GRIK2: variants seen among roughly 807,000 people sequenced by gnomAD.
The protein encoded by GRIK2 is glutamate receptor ionotropic, kainate 2.
A neutral mutation model predicts 100.3 loss-of-function variants in GRIK2; 32 were observed. That is an observed-to-expected ratio of 0.32 (90% CI 0.24 to 0.43). GRIK2 has a LOEUF of 0.43. Ranked by LOEUF, GRIK2 falls within the 20% of genes least tolerant of loss-of-function variation. The pLI is 1.00. For missense variants in GRIK2, 843 were observed against 1,114.9 expected, an observed-to-expected ratio of 0.76 and a Z score of 3.47; for synonymous variants, 417 against 389.4, an observed-to-expected ratio of 1.07 and a Z score of -0.83.
intron 5 of GRIK2, 66 bp downstream of exon 5, chr6:101,676,870 T>C: frequency 1.1e-6 from 1 of 900,902 alleles, no homozygotes; most frequent in Non-Finnish European, 1.7e-6. Context: ...TGATCTTCTT[T>C]TAAATCAAAA....
At chr6:101,970,086 T>G (rs1443792797) in intron 14 of GRIK2, among the ~76,000 whole-genome samples, 1 of 152,004 alleles carries the variant, frequency 6.6e-6, no homozygotes, top group Non-Finnish European at 1.5e-5. Flanking sequence ...TTTTATGCCC[T>G]TTTTTTGGTG....
intron 14 of GRIK2, among the ~76,000 whole-genome samples, chr6:101,967,673 G>C (rs552523878): frequency 1.3e-5 from 2 of 152,010 alleles, no homozygotes; most frequent in Non-Finnish European, 2.9e-5. Context: ...TTCCTTCCCA[G>C]TGGGCAGGAA....
chr6:101,706,742 A>G (rs1331974825), intron 7 of GRIK2, among the ~76,000 whole-genome samples: 1 of 151,890 alleles, frequency 6.6e-6, no homozygotes, highest in Non-Finnish European at 1.5e-5. Flanking sequence ...ACAGCTTTTC[A>G]TTAGAGGAAT....
At chr6:101,963,615 G>A (rs1300478428) in intron 14 of GRIK2, among the ~76,000 whole-genome samples, 1 of 147,374 alleles carries the variant, frequency 6.8e-6, no homozygotes, top group Non-Finnish European at 1.5e-5. Context: ...CCCTCCCAAA[G>A]TGCTGGGATT....
chr6:102,040,805 C>A (rs539856449), intron 15 of GRIK2, among the ~76,000 whole-genome samples: 1 of 151,714 alleles, frequency 6.6e-6, no homozygotes, highest in South Asian at 2.1e-4. Flanking sequence ...CGTTTTTCAG[C>A]TTTACTGAAG....
intron 5 of GRIK2, 46 bp downstream of exon 5, chr6:101,676,850 A>C (rs184775830): frequency 2.8e-6 from 3 of 1,087,656 alleles, no homozygotes; most frequent in Non-Finnish European, 4.1e-6. Context: ...ATAAACTTGC[A>C]CTTACAATAT....
At chr6:101,739,353 A>G (rs541595725) in intron 7 of GRIK2, among the ~76,000 whole-genome samples, 6 of 152,282 alleles carry the variant, frequency 3.9e-5, no homozygotes, top group South Asian at 2.1e-4. Context: ...TATTCAATCT[A>G]TCTTATAGCT....
chr6:101,981,882 G>C (rs1159314595), intron 14 of GRIK2, among the ~76,000 whole-genome samples: 1 of 151,880 alleles, frequency 6.6e-6, no homozygotes. Context: ...GATTTTCTTA[G>C]TTGAGCAGAT....
chr6:101,401,700 A>G (rs1162354199), intron 2 of GRIK2, among the ~76,000 whole-genome samples: 1 of 152,214 alleles, frequency 6.6e-6, no homozygotes, highest in East Asian at 1.9e-4. Context: ...CTTCTGGGAT[A>G]AACACGTTCT....
intron 7 of GRIK2, among the ~76,000 whole-genome samples, chr6:101,771,120 G>A (rs1356342166): frequency 6.6e-6 from 1 of 151,942 alleles, no homozygotes; most frequent in Non-Finnish European, 1.5e-5. Flanking sequence ...ACTTTGCCTT[G>A]AAGAAACTAA....
Position 101,984,484 on chromosome 6 carries a change from A to G in GRIK2, c.2086-50857A>G, listed in dbSNP as rs1793900288. 2.6e-5 allele frequency among the ~76,000 whole-genome samples: 4 copies of G among 151,780 alleles called. No homozygotes were observed. In the East Asian group the frequency reaches 7.8e-4, roughly 30 times the overall value. On this transcript the variant is annotated intron_variant, in intron 14 of 16. Transcript: ENST00000369134. Reference sequence around the variant, plus strand: ...AATTTATTTATACTTGCTGGACACAACTGAACATCTAAGATTCCTTCCAGC... The same window carrying G: ...AATTTATTTATACTTGCTGGACACAGCTGAACATCTAAGATTCCTTCCAGC...
At chr6:101,666,657 A>T (rs1411349110) in intron 4 of GRIK2, among the ~76,000 whole-genome samples, 1 of 152,264 alleles carries the variant, frequency 6.6e-6, no homozygotes, top group Non-Finnish European at 1.5e-5. Flanking sequence ...TATTACACAG[A>T]TGCCAAATAG....
At chr6:101,758,339 T>C (rs935114985) in intron 7 of GRIK2, among the ~76,000 whole-genome samples, 3 of 152,242 alleles carry the variant, frequency 2.0e-5, no homozygotes, top group South Asian at 2.1e-4. Flanking sequence ...TCAGTACTTA[T>C]CTTGCTATAA....
intron 4 of GRIK2, among the ~76,000 whole-genome samples, chr6:101,627,133 G>C (rs924610616): frequency 1.2e-4 from 18 of 149,412 alleles, no homozygotes; most frequent in Non-Finnish European, 2.5e-4. Context: ...GTGTGTGTGT[G>C]TGTGTGTGTG....
Position 101,858,386 on chromosome 6 carries a change from CT to C in GRIK2, c.1318-882del, listed in dbSNP as rs780526806. ...CCTCTCTCTCTCTCTATTTTTTTTT[CT>C]TTTTTTTTTTTTTTTTTTGAGACGG... On this transcript the variant is annotated intron_variant, in intron 10 of 16. Coordinates refer to ENST00000369134, the MANE Select transcript of GRIK2 (RefSeq NM_021956.5). Among the ~76,000 whole-genome samples the C allele has an allele frequency of 2.2e-3, 201 of 91,638 alleles. 1 individual carries two copies. The highest frequency in any genetic ancestry group is 7.2e-3 in the African/African-American group (186 of 25,942). The allele number at this position is 91,638 out of a possible 152,430, so 60.1% of individuals were successfully genotyped here.
intron 11 of GRIK2, among the ~76,000 whole-genome samples, chr6:101,872,479 G>A (rs992825913): frequency 6.6e-6 from 1 of 151,822 alleles, no homozygotes; most frequent in Non-Finnish European, 1.5e-5. Flanking sequence ...CATGAGAATA[G>A]CATGAGGGTA....
At chr6:101,961,095 T>G (rs1792268895) in intron 14 of GRIK2, among the ~76,000 whole-genome samples, 1 of 152,152 alleles carries the variant, frequency 6.6e-6, no homozygotes, top group African/African-American at 2.4e-5. Context: ...TTCCACATCA[T>G]GGGCAGGCAG....
At chr6:102,043,583 G>T (rs1770714926) in intron 15 of GRIK2, among the ~76,000 whole-genome samples, 1 of 151,760 alleles carries the variant, frequency 6.6e-6, no homozygotes, top group Non-Finnish European at 1.5e-5. Context: ...GCAAATGACA[G>T]AATTTCATTA....
intron 7 of GRIK2, among the ~76,000 whole-genome samples, chr6:101,793,651 G>T (rs965103035): frequency 1.3e-5 from 2 of 152,132 alleles, no homozygotes; most frequent in Admixed American, 6.5e-5. Context: ...CTGCTCGGGG[G>T]TCAGGGGTCA....
Sources: allele counts gnomAD v4.1 joint callset (sites outside exome capture counted in the v4.1 genomes callset), GRCh38; gene constraint gnomAD v4.1.1; transcripts MANE v1.5; gene names NCBI Gene and HGNC (gene_info 2026-07-23, HGNC 2026-07-21).